Variants in ITGA2B observed in about 807,000 individuals in gnomAD.
ITGA2B encodes the protein integrin alpha-IIb.
ITGA2B carries 91 observed loss-of-function variants against 142.0 expected under a neutral mutation model. The observed-to-expected ratio is 0.64, with a 90% CI of 0.54 to 0.76. The LOEUF (loss-of-function observed/expected upper bound fraction) is 0.76, where lower values mean the gene tolerates loss of function less well. Among genes scored for constraint, ITGA2B ranks in the 30% least tolerant of loss-of-function variants. The probability of loss-of-function intolerance (pLI) is 0.00; values close to 1 mark genes in which losing one functional copy is unlikely to be tolerated. For missense variants in ITGA2B, 1,231 were observed against 1,350.8 expected (o/e 0.91, Z 1.39); for synonymous variants, 536 against 567.2 (o/e 0.94, Z 0.78).
At chr17:44,375,776 G>A (rs1209722577) in intron 25 of ITGA2B, 57 bp downstream of exon 25, 1 of 1,556,870 alleles carries the variant, frequency 6.4e-7, no homozygotes, top group Admixed American at 2.0e-5. Context: ...CCACAGAGGT[G>A]CCCCGGTGGT....
At position 44,385,245 on chromosome 17, in the gene ITGA2B, G is replaced by C. The variant is rs775694554; in HGVS notation, c.625-36C>G. On this transcript the variant is annotated intron_variant, in intron 5 of 29. Transcript: ENST00000262407. ...AGTCCTGAGGGTGAGAGGGGGCCCT[G>C]TTTGGGAGCCGCCCCCACTGCGCTT... The C allele has an allele frequency of 5.6e-6, 9 of 1,613,776 alleles. No homozygotes were observed. The Admixed American group carries it at 1.5e-4, about 27-fold the overall frequency.
rs1221539210 is a variant in ITGA2B, at chr17:44,385,548, T to C, written c.574+3A>G. ...GCGGGGCCAGGTCGTAGCTGGCGCT[T>C]ACTAAAATCATTTTCCACGTAAATG... On this transcript the variant is annotated splice_donor_region_variant and intron_variant, in intron 4 of 29. Coordinates refer to ENST00000262407, the MANE Select transcript of ITGA2B (RefSeq NM_000419.5). The C allele has an allele frequency of 6.4e-7, 1 of 1,565,616 alleles. No homozygotes were observed. The highest frequency in any genetic ancestry group is 8.6e-7 in the Non-Finnish European group (1 of 1,160,568).
At chr17:44,385,980 C>T (rs1483966804) in intron 2 of ITGA2B, 30 bp downstream of exon 2, 2 of 1,614,000 alleles carry the variant, frequency 1.2e-6, no homozygotes, top group African/African-American at 2.7e-5. Context: ...CCCTCTGACC[C>T]CAACCTTGCT....
Position 44,389,295 on chromosome 17 carries a change from C to G in ITGA2B, c.179G>C (p.Ser60Thr). 1 of 1,614,182 alleles carries G rather than the reference C, an allele frequency of 6.2e-7. No individual in the cohort carries two copies. The highest frequency in any genetic ancestry group is 8.5e-7 in the Non-Finnish European group (1 of 1,180,034). Residue 60 changes from serine to threonine, a missense_variant, in exon 1 of 30, where the codon AGC (serine) becomes ACC (threonine). Ser to Thr is a moderately conservative substitution (Grantham distance 58). Transcript: ENST00000262407. ...FGFSLDFHKDSHGRVAIVVGA... is the reference protein window; with the variant it reads ...FGFSLDFHKDTHGRVAIVVGA... The stretch of plus-strand genomic sequence containing the variant: ...TTCCCTTACGGCTCACCTCCCATGG[C>G]TGTCCTTGTGGAAGTCCAGTGAAAA...
At chr17:44,384,862 A>G in intron 7 of ITGA2B, 86 bp downstream of exon 7, 1 of 1,599,894 alleles carries the variant, frequency 6.3e-7, no homozygotes, top group South Asian at 1.1e-5. Flanking sequence ...AGGGGTGGCC[A>G]TGGAGGCTCC....
rs1314074815 is a variant in ITGA2B at position 44,380,383 on chromosome 17, C to T, written c.1544+3G>A. ...TTAAGGCCCATGCCCTCTGCCTCCT[C>T]ACCAGCTCACGGGTGTCTTGGTCTG... On this transcript the variant is annotated splice_donor_region_variant and intron_variant, in intron 15 of 29. Coordinates refer to ENST00000262407, the MANE Select transcript of ITGA2B (RefSeq NM_000419.5). 1 of 1,614,148 alleles carries T rather than the reference C, an allele frequency of 6.2e-7. No individual in the cohort carries two copies. The highest frequency in any genetic ancestry group is 1.7e-5 in the Admixed American group (1 of 60,032).
At chr17:44,378,327 G>C (rs1487538091) in intron 20 of ITGA2B, 35 bp downstream of exon 20, 2 of 1,592,722 alleles carry the variant, frequency 1.3e-6, no homozygotes, top group African/African-American at 2.7e-5. Flanking sequence ...GTGCCTCCCA[G>C]GTCCCGGGTA....
At position 44,383,781 on chromosome 17, in the gene ITGA2B, G is replaced by A. The variant is rs988632260; in HGVS notation, c.999-77C>T. ...CTAGGGCCAAATCTCCTCGACCCTT[G>A]CTCTCCTGTTCCTCCAGTGGATACG... is the stretch of plus-strand genomic sequence containing the variant. On this transcript the variant is annotated intron_variant, in intron 11 of 29. Coordinates refer to ENST00000262407, the MANE Select transcript of ITGA2B (RefSeq NM_000419.5). 104 of 1,553,276 alleles carry A rather than the reference G, an allele frequency of 6.7e-5. 1 individual carries two copies. Among genetic ancestry groups the A allele is most frequent in the Middle Eastern group, 4.1e-4 (2 of 4,908 alleles).
rs376672078 is a variant in ITGA2B, at chr17:44,384,344, G to A, written c.858C>T (p.Val286=). The A allele has an allele frequency of 4.1e-5, 66 of 1,613,562 alleles. No individual in the cohort carries two copies. The highest frequency in any genetic ancestry group is 5.3e-5 in the Non-Finnish European group (62 of 1,179,956). Residue 286 remains valine, a synonymous_variant, in exon 9 of 30, where the codon GTC becomes GTT. Coordinates refer to ENST00000262407, the MANE Select transcript of ITGA2B (RefSeq NM_000419.5). ...GGGTCCAGCTCCAAGTGGGGGCACC[G>A]ACGACATATTCTGGCGATAGGGAGA... ...DGDLNTTEYV[V]GAPTWSWTLG...
intron 23 of ITGA2B, 25 bp downstream of exon 23, chr17:44,376,283 C>A: frequency 1.2e-6 from 2 of 1,614,110 alleles, no homozygotes; most frequent in Non-Finnish European, 1.7e-6. Flanking sequence ...AATGCCATCT[C>A]CCTTCTCCAC....
At chr17:44,384,810 G>A (rs1461090894) in intron 7 of ITGA2B, 138 bp downstream of exon 7, 1 of 1,432,114 alleles carries the variant, frequency 7.0e-7, no homozygotes, top group Non-Finnish European at 9.8e-7. Flanking sequence ...GGAAGCCGCA[G>A]GAGCGGAGGG....
chr17:44,377,198 CTTTTT>C, intron 21 of ITGA2B, 110 bp from the exon 22 acceptor site: 1 of 702,256 alleles, frequency 1.4e-6, no homozygotes, highest in Non-Finnish European at 2.4e-6. Context: ...TATTCTTTTT[CTTTTT>C]TTTTTTTTCC....
intron 27 of ITGA2B, 53 bp from the exon 28 acceptor site, chr17:44,374,813 G>T (rs1263685633): frequency 1.3e-6 from 2 of 1,501,002 alleles, no homozygotes; most frequent in Non-Finnish European, 1.9e-6. Context: ...CCTATTGGTT[G>T]CAGGAGTCCA....
rs5916 is a variant in ITGA2B at position 44,375,869 on chromosome 17, A to G, written c.2565T>C (p.Leu855=). ...TGACAGGAGGCTGTGGGAAGCACTGAAGGCCCCCCTGGGGCTGTATATCCA... is the reference window on the plus strand; with the variant it reads ...TGACAGGAGGCTGTGGGAAGCACTGGAGGCCCCCCTGGGGCTGTATATCCA... ...YILDIQPQGG[L]QCFPQPPVNP... The change falls in exon 25 of 30, where the codon CTT becomes CTC. Residue 855 remains leucine, a synonymous_variant. Transcript: ENST00000262407. 1.2e-5 allele frequency: 20 copies of G among 1,600,214 alleles called. No individual in the cohort carries two copies. The African/African-American group carries it at 2.3e-4, about 18-fold the overall frequency.
At position 44,385,114 on chromosome 17, in the gene ITGA2B, G is replaced by C. The variant is rs748572066; in HGVS notation, c.671-38C>G. On this transcript the variant is annotated intron_variant, in intron 6 of 29. Coordinates refer to ENST00000262407, the MANE Select transcript of ITGA2B (RefSeq NM_000419.5). ...GGACAGCGGGTGTGAAGCCCAAAGC[G>C]GTCTCCTTGGGCCGCGAGAAGGGAG... 4 of 1,614,098 alleles carry C rather than the reference G, an allele frequency of 2.5e-6. No individual in the cohort carries two copies. In the East Asian group the frequency reaches 8.9e-5, roughly 36 times the overall value.
chr17:44,385,130 G>A (rs1164772037), intron 6 of ITGA2B, 34 bp downstream of exon 6: 2 of 1,613,976 alleles, frequency 1.2e-6, no homozygotes, highest in African/African-American at 2.7e-5. Flanking sequence ...CTTGGGCCGC[G>A]AGAAGGGAGG....
intron 18 of ITGA2B, among the ~76,000 whole-genome samples, chr17:44,379,391 C>A (rs2143456029): frequency 6.6e-6 from 1 of 152,008 alleles, no homozygotes; most frequent in South Asian, 2.1e-4. Context: ...GCTGGAATTA[C>A]AGGCATGCGT....
In ITGA2B at chr17:44,384,236, G is replaced by A. The variant is rs561217251; in HGVS notation, c.891+75C>T. ...GGTTTGGTGGAGGCGGGGCGGGGGT[G>A]GGGGGCGCTCAGGAGTTGTCAGCCT... On this transcript the variant is annotated intron_variant, in intron 9 of 29. Transcript: ENST00000262407. 5.1e-6 allele frequency: 8 copies of A among 1,564,540 alleles called. No individual in the cohort carries two copies. The African/African-American group carries it at 5.4e-5, about 11-fold the overall frequency.
Position 44,380,317 on chromosome 17 carries a change from T to C in ITGA2B, c.1545-16A>G, listed in dbSNP as rs764867619. On this transcript the variant is annotated splice_polypyrimidine_tract_variant and intron_variant, in intron 15 of 29. Transcript: ENST00000262407. ...GATGTTGAAGCTGCAAAGACGTAAG[T>C]GGGGCTCAGGGGTTGGAGCCTTTCT... The C allele has an allele frequency of 6.2e-7, 1 of 1,614,200 alleles. No individual in the cohort carries two copies. Among genetic ancestry groups the C allele is most frequent in the South Asian group, 1.1e-5 (1 of 91,086 alleles).
Sources: allele counts gnomAD v4.1 joint callset (sites outside exome capture counted in the v4.1 genomes callset), GRCh38; gene constraint gnomAD v4.1.1; transcripts MANE v1.5; gene names NCBI Gene and HGNC (gene_info 2026-07-23, HGNC 2026-07-21).